Variants in NTM observed in about 807,000 individuals in gnomAD.
The protein encoded by NTM is neurotrimin.
In NTM, 13 loss-of-function variants were observed where a neutral mutation model predicts 42.1. The observed-to-expected ratio is 0.31, with a 90% confidence interval of 0.20 to 0.49. NTM has a LOEUF of 0.49. Ranked by LOEUF, NTM falls within the 20% of genes least tolerant of loss-of-function variation. NTM has a pLI of 0.99. For synonymous variants in NTM, 187 were observed against 179.2 expected (o/e 1.04, Z -0.35); for missense variants, 373 against 452.8 (o/e 0.82, Z 1.60).
intron 1 of NTM, among the ~76,000 whole-genome samples, chr11:131,579,799 C>T (rs2058242221): frequency 6.6e-6 from 1 of 152,170 alleles, no homozygotes; most frequent in Admixed American, 6.5e-5. Flanking sequence ...AGGAGTATTC[C>T]AGCATTGCTT....
At chr11:131,502,153 C>T (rs1591846998) in intron 1 of NTM, among the ~76,000 whole-genome samples, 1 of 152,084 alleles carries the variant, frequency 6.6e-6, no homozygotes, top group Non-Finnish European at 1.5e-5. Flanking sequence ...TCAACATTCC[C>T]ATGTTGAAAT....
At chr11:131,380,340 T>G (rs1942507359) in intron 1 of NTM, among the ~76,000 whole-genome samples, 1 of 151,684 alleles carries the variant, frequency 6.6e-6, no homozygotes, top group Admixed American at 6.6e-5. Flanking sequence ...CCAAAGTAGC[T>G]GGGATTACAG....
chr11:131,403,906 T>G (rs1388326609), intron 1 of NTM, among the ~76,000 whole-genome samples: 1 of 152,184 alleles, frequency 6.6e-6, no homozygotes, highest in African/African-American at 2.4e-5. Context: ...ACATCTCAAT[T>G]TATGCTCTGG....
chr11:131,649,200 A>T (rs1009328464), intron 1 of NTM, among the ~76,000 whole-genome samples: 6 of 152,224 alleles, frequency 3.9e-5, no homozygotes, highest in Non-Finnish European at 8.8e-5. Flanking sequence ...AGCAATAATG[A>T]TAGTAATTGA....
At chr11:131,986,970 AGTGT>A (rs1456083733) in intron 2 of NTM, among the ~76,000 whole-genome samples, 2 of 152,224 alleles carry the variant, frequency 1.3e-5, no homozygotes, top group Non-Finnish European at 2.9e-5. Flanking sequence ...ATGATGTGTC[AGTGT>A]TAACCAAGAG....
At chr11:131,941,268 C>T (rs1419334784) in intron 2 of NTM, among the ~76,000 whole-genome samples, 3 of 152,302 alleles carry the variant, frequency 2.0e-5, no homozygotes, top group Admixed American at 1.3e-4. Flanking sequence ...TATATCATTT[C>T]TCTGAGTGGG....
At position 132,130,741 on chromosome 11, in the gene NTM, T is replaced by C. The variant is rs189643166; in HGVS notation, c.168-15541T>C. Among the ~76,000 whole-genome samples the C allele has an allele frequency of 4.6e-5, 7 of 152,322 alleles. No individual in the cohort carries two copies. The East Asian group carries it at 1.4e-3, about 29-fold the overall frequency. ...CTGCCCCTCAGAGAATAGGGAAGTCTGATGGAGTTGCCGGCAGCAGACCTA... is the reference window on the plus strand; with the variant it reads ...CTGCCCCTCAGAGAATAGGGAAGTCCGATGGAGTTGCCGGCAGCAGACCTA... On this transcript the variant is annotated intron_variant, in intron 2 of 8. Coordinates refer to ENST00000683400, the MANE Select transcript of NTM (RefSeq NM_001352005.2).
chr11:131,967,639 A>T (rs1268054104), intron 2 of NTM, among the ~76,000 whole-genome samples: 2 of 152,202 alleles, frequency 1.3e-5, no homozygotes, highest in Non-Finnish European at 2.9e-5. Context: ...TCAAAACAGC[A>T]ATCACCAGAT....
chr11:131,878,589 AAAAAAATATATATATATATATATATAT>A (rs1247969683), intron 1 of NTM, among the ~76,000 whole-genome samples: 1,671 of 63,812 alleles, frequency 0.026, 292 homozygotes, highest in East Asian at 0.054. Context: ...AAAAAAAAAA[AAAAAAATATATATATATATATATATAT>A]ATATATATAT....
chr11:132,239,158 T>G (rs1592442785), intron 4 of NTM, among the ~76,000 whole-genome samples: 1 of 152,336 alleles, frequency 6.6e-6, no homozygotes, highest in East Asian at 1.9e-4. Context: ...CAGAGAACAT[T>G]GTAGTCCTAA....
intron 4 of NTM, among the ~76,000 whole-genome samples, chr11:132,264,920 C>A (rs1046142648): frequency 6.6e-6 from 1 of 152,126 alleles, no homozygotes; most frequent in African/African-American, 2.4e-5. Flanking sequence ...TAAAGCTGTG[C>A]CTGTCCCACC....
intron 1 of NTM, among the ~76,000 whole-genome samples, chr11:131,468,295 C>T (rs188813577): frequency 1.1e-4 from 16 of 152,348 alleles, no homozygotes; most frequent in Admixed American, 9.1e-4. Flanking sequence ...ATCCTCAGGA[C>T]GTGATTCCGC....
chr11:132,113,247 G>A (rs567790218), intron 2 of NTM, among the ~76,000 whole-genome samples: 1 of 152,264 alleles, frequency 6.6e-6, no homozygotes, highest in South Asian at 2.1e-4. Context: ...TGGGTGGTTG[G>A]TAAGATATTC....
chr11:132,259,704 A>G (rs2092726166), intron 4 of NTM, among the ~76,000 whole-genome samples: 2 of 151,780 alleles, frequency 1.3e-5, no homozygotes, highest in Admixed American at 6.6e-5. Flanking sequence ...TTTTTAGTTG[A>G]TCACCAATAA....
In NTM at chr11:131,808,225, C is replaced by G. The variant is rs189490733; in HGVS notation, c.83-103339C>G. Among the ~76,000 whole-genome samples, 9 of 152,294 alleles carry G rather than the reference C, an allele frequency of 5.9e-5. No homozygotes were observed. In the East Asian group the frequency reaches 1.7e-3, roughly 29 times the overall value. On this transcript the variant is annotated intron_variant, in intron 1 of 8. Coordinates refer to ENST00000683400, the MANE Select transcript of NTM (RefSeq NM_001352005.2). The stretch of plus-strand genomic sequence containing the variant: ...CATTGATGGCTTAAGAGGAGGAAGG[C>G]AGTAGGCAGCTGATAAAACCCTCTG...
rs139415017 is a variant in NTM, at chr11:131,554,519, A to AAC, written c.82+183651_82+183652dup. 4.6e-3 allele frequency among the ~76,000 whole-genome samples: 674 copies of AAC among 148,126 alleles called. 4 individuals carry two copies. Among genetic ancestry groups the AAC allele is most frequent in the African/African-American group, 8.8e-3 (353 of 40,098 alleles). ...TCTTTATATATAAAGGTCACCTGCA[A>AAC]ACACACACACACACACACACATCTA... On this transcript the variant is annotated intron_variant, in intron 1 of 8. Transcript: ENST00000683400.
chr11:132,206,381 T>C (rs1054267553), intron 3 of NTM, among the ~76,000 whole-genome samples: 1 of 152,228 alleles, frequency 6.6e-6, no homozygotes, highest in Admixed American at 6.5e-5. Context: ...TTATGGACTG[T>C]CCATTCTGTG....
chr11:132,201,521 C>T lies in NTM; in HGVS notation c.401-10501C>T, dbSNP rs183555481. On this transcript the variant is annotated intron_variant, in intron 3 of 8. Transcript: ENST00000683400. ...GCAAGGCTATGGCGGTTGGGAACTA[C>T]AGGAATAGACAATTCCTGGTGAGAA... 1.7e-4 allele frequency among the ~76,000 whole-genome samples: 26 copies of T among 152,274 alleles called. No homozygotes were observed. In the East Asian group the frequency reaches 4.4e-3, roughly 26 times the overall value.
At chr11:131,434,934 A>C (rs1017070913) in intron 1 of NTM, among the ~76,000 whole-genome samples, 1 of 152,182 alleles carries the variant, frequency 6.6e-6, no homozygotes, top group Admixed American at 6.5e-5. Flanking sequence ...TCTAACATTT[A>C]AGTCTTTAAT....
Sources: allele counts gnomAD v4.1 joint callset (sites outside exome capture counted in the v4.1 genomes callset), GRCh38; gene constraint gnomAD v4.1.1; transcripts MANE v1.5; gene names NCBI Gene and HGNC (gene_info 2026-07-23, HGNC 2026-07-21).